SEC14L3: variants seen among roughly 807,000 people sequenced by gnomAD.
SEC14L3 encodes the protein SEC14 like lipid binding 3.
Under a neutral mutation model 57.4 loss-of-function variants are expected in SEC14L3, and 56 were observed. The observed-to-expected ratio is 0.97, with a 90% confidence interval of 0.79 to 1.22. The LOEUF is 1.22. Ranked by LOEUF, SEC14L3 falls within the 50% of genes most tolerant of loss-of-function variation. SEC14L3 has a pLI of 0.00. For missense variants in SEC14L3, 485 were observed against 511.7 expected (o/e 0.95, Z 0.50); for synonymous variants, 173 against 194.4 (o/e 0.89, Z 0.92).
rs2146111949 is a variant in SEC14L3, at chr22:30,464,812, C to T, written c.664+8G>A. 1.2e-6 allele frequency: 2 copies of T among 1,613,900 alleles called. No homozygotes were observed. Among genetic ancestry groups the T allele is most frequent in the South Asian group, 1.1e-5 (1 of 91,064 alleles). Reference sequence around the variant, plus strand: ...TAGAGGTCAGGAAATTGAGCTGGCACTACTTACTTCCCAACACAATAATTT... The same window carrying T: ...TAGAGGTCAGGAAATTGAGCTGGCATTACTTACTTCCCAACACAATAATTT... On this transcript the variant is annotated splice_region_variant and intron_variant, in intron 8 of 11. Coordinates refer to ENST00000215812, the MANE Select transcript of SEC14L3 (RefSeq NM_174975.5).
intron 4 of SEC14L3, 45 bp downstream of exon 4, chr22:30,469,974 T>A: frequency 7.0e-7 from 1 of 1,419,330 alleles, no homozygotes; most frequent in Non-Finnish European, 9.6e-7. Flanking sequence ...TGACCTTGAG[T>A]GGTACGTCCG....
rs1177393986 is a variant in SEC14L3 at position 30,460,158 on chromosome 22, A to C, written c.1082-16T>G. On this transcript the variant is annotated splice_polypyrimidine_tract_variant and intron_variant, in intron 11 of 11. Coordinates refer to ENST00000215812, the MANE Select transcript of SEC14L3 (RefSeq NM_174975.5). ...CGTAGGACATCTGGGGGACAGATGG[A>C]AAGAGGGGCATTGGGCTTGGCTTTA... is the stretch of plus-strand genomic sequence containing the variant. 1.2e-6 allele frequency: 2 copies of C among 1,613,140 alleles called. No individual in the cohort carries two copies. The highest frequency in any genetic ancestry group is 1.7e-6 in the Non-Finnish European group (2 of 1,179,302).
chr22:30,456,290 C>T (rs113102076), downstream of SEC14L3, among the ~76,000 whole-genome samples: 1 of 127,244 alleles, frequency 7.9e-6, no homozygotes, highest in African/African-American at 3.2e-5. Context: ...CAGAGTGAGA[C>T]CCTGTCTCCA....
chr22:30,462,740 CTTT>C (rs201844599), intron 8 of SEC14L3, among the ~76,000 whole-genome samples: 46 of 142,466 alleles, frequency 3.2e-4, no homozygotes, highest in Admixed American at 4.2e-4. Context: ...ATGGCACATT[CTTT>C]TTTTTTTTTT....
At chr22:30,456,299 C>CAAA (rs61284271), downstream of SEC14L3, among the ~76,000 whole-genome samples, 39 of 95,922 alleles carry the variant, frequency 4.1e-4, no homozygotes, top group African/African-American at 9.2e-4. Flanking sequence ...ACCCTGTCTC[C>CAAA]AAAAAAAAAA....
Position 30,468,506 on chromosome 22 carries a change from AC to A in SEC14L3, c.423+1del. On this transcript the variant is annotated splice_donor_variant, in intron 5 of 11. Transcript: ENST00000215812. LOFTEE classifies it high-confidence loss of function. ...ATCCACCCCACCTGGCCTGGACCTC[AC>A]CCTCTCTGTCTGCAGGTCACACTCA... The A allele has an allele frequency of 6.2e-7, 1 of 1,607,456 alleles. No individual in the cohort carries two copies. Among genetic ancestry groups the A allele is most frequent in the Non-Finnish European group, 8.5e-7 (1 of 1,175,540 alleles).
rs779210950 is a variant in SEC14L3 at position 30,466,403 on chromosome 22, C to T, written c.520-9G>A. 1.2e-6 allele frequency: 2 copies of T among 1,614,058 alleles called. No individual in the cohort carries two copies. The highest frequency in any genetic ancestry group is 2.2e-5 in the East Asian group (1 of 44,876). On this transcript the variant is annotated splice_polypyrimidine_tract_variant and intron_variant, in intron 6 of 11. Coordinates refer to ENST00000215812, the MANE Select transcript of SEC14L3 (RefSeq NM_174975.5). The stretch of plus-strand genomic sequence containing the variant: ...TCAAGGAGGCCAAAGAACTGTGGAA[C>T]CAAGAGAGATCCCTTCAGAGAGCAC...
intron 2 of SEC14L3, 53 bp downstream of exon 2, chr22:30,470,454 C>A: frequency 6.2e-7 from 1 of 1,612,102 alleles, no homozygotes. Flanking sequence ...GCAGTTGAGA[C>A]CAGGCCCCTC....
At chr22:30,460,263 G>A in intron 11 of SEC14L3, 121 bp from the exon 12 acceptor site, 1 of 1,510,420 alleles carries the variant, frequency 6.6e-7, no homozygotes, top group Non-Finnish European at 8.9e-7. Context: ...GCTGGGCCAA[G>A]CTCCCACCAC....
At chr22:30,467,250 T>TCCATCCATCCATCCAA (rs1935449004) in intron 5 of SEC14L3, 173 bp from the exon 6 acceptor site, 1 of 213,458 alleles carries the variant, frequency 4.7e-6, no homozygotes, top group Admixed American at 6.7e-5. Context: ...TCCATCCACA[T>TCCATCCATCCATCCAA]CCATCCATCC....
At chr22:30,454,773 AT>A (rs1935063756), downstream of SEC14L3, among the ~76,000 whole-genome samples, 1 of 75,162 alleles carries the variant, frequency 1.3e-5, no homozygotes, top group African/African-American at 6.9e-5. Flanking sequence ...AATATATAAT[AT>A]ATTATTATAT....
intron 7 of SEC14L3, 80 bp from the exon 8 acceptor site, chr22:30,464,983 T>C (rs894998089): frequency 3.3e-5 from 52 of 1,595,096 alleles, no homozygotes; most frequent in Non-Finnish European, 3.9e-5. Flanking sequence ...TAGCCAATGA[T>C]ACAGAGGAGT....
chr22:30,464,449 G>A (rs934541044), intron 8 of SEC14L3, among the ~76,000 whole-genome samples: 8 of 152,146 alleles, frequency 5.3e-5, no homozygotes, highest in African/African-American at 1.9e-4. Flanking sequence ...TGTTGTTTTT[G>A]AGATAGGTTC....
chr22:30,465,102 T>C (rs1935378182), intron 7 of SEC14L3, 199 bp from the exon 8 acceptor site: 1 of 251,220 alleles, frequency 4.0e-6, no homozygotes, highest in Non-Finnish European at 6.3e-6. Flanking sequence ...GCATCAATCA[T>C]GCAATGCAAC....
intron 12 of SEC14L3, among the ~76,000 whole-genome samples, chr22:30,451,572 TA>T (rs1451915714): frequency 1.3e-5 from 2 of 152,154 alleles, no homozygotes; most frequent in African/African-American, 4.8e-5. Flanking sequence ...AAGCTGAAAC[TA>T]AGACTGTGCC....
At chr22:30,458,442 G>A (rs961041532), downstream of SEC14L3, among the ~76,000 whole-genome samples, 1 of 152,166 alleles carries the variant, frequency 6.6e-6, no homozygotes, top group Non-Finnish European at 1.5e-5. Flanking sequence ...CCACAAACAG[G>A]GACTGGAGAG....
chr22:30,468,203 T>C (rs1935482018), intron 5 of SEC14L3, among the ~76,000 whole-genome samples: 2 of 151,240 alleles, frequency 1.3e-5, no homozygotes, highest in South Asian at 4.2e-4. Flanking sequence ...CCCTTGAACC[T>C]GGGAGGCGGA....
At chr22:30,447,944 G>GTTT (rs397933038), downstream of SEC14L3, 13 of 143,772 alleles carry the variant, frequency 9.0e-5, no homozygotes, top group African/African-American at 2.3e-4. Flanking sequence ...GGCGGGCAAT[G>GTTT]TTTTTTTTTT....
intron 12 of SEC14L3, among the ~76,000 whole-genome samples, chr22:30,452,717 CTTT>C (rs71198554): frequency 4.6e-5 from 6 of 131,634 alleles, no homozygotes; most frequent in Admixed American, 3.9e-4. Flanking sequence ...TTCTTTCTTT[CTTT>C]TTTTTTTTTT....
Sources: gnomAD v4.1 joint callset for allele counts (sites outside exome capture counted in the v4.1 genomes callset) on GRCh38, gnomAD v4.1.1 for gene constraint, MANE v1.5 for transcripts, NCBI Gene and HGNC (gene_info 2026-07-23, HGNC 2026-07-21) for gene names.